GRID2: variants seen among roughly 807,000 people sequenced by gnomAD.
GRID2 encodes the protein glutamate receptor ionotropic, delta-2.
GRID2 carries 33 observed loss-of-function variants against 114.8 expected under a neutral mutation model. The ratio of observed to expected loss-of-function variants is 0.29; its 90% confidence interval spans 0.22 to 0.38. The LOEUF (loss-of-function observed/expected upper bound fraction) is 0.38. Ranked by LOEUF, GRID2 falls within the 10% of genes least tolerant of loss-of-function variation. The pLI, the probability that GRID2 is intolerant of heterozygous loss-of-function variation, is 1.00. For synonymous variants in GRID2, 505 were observed against 449.9 expected, an observed-to-expected ratio of 1.12 and a Z score of -1.55; for missense variants, 1,184 against 1,257.7, an observed-to-expected ratio of 0.94 and a Z score of 0.89.
chr4:92,664,523 G>A (rs564915526), intron 2 of GRID2, among the ~76,000 whole-genome samples: 191 of 151,128 alleles, frequency 1.3e-3, no homozygotes, highest in African/African-American at 4.3e-3. Context: ...GTATTCTATT[G>A]TTGTTGGGTA....
At position 92,522,333 on chromosome 4, in the gene GRID2, C is replaced by T. The variant is rs142399577; in HGVS notation, c.89-67798C>T. Among the ~76,000 whole-genome samples the T allele has an allele frequency of 5.3e-5, 8 of 152,002 alleles. No homozygotes were observed. The East Asian group carries it at 1.6e-3, about 30-fold the overall frequency. On this transcript the variant is annotated intron_variant, in intron 1 of 15. Transcript: ENST00000282020. ...ACAGGGAAAAAAAATAACAGGAAAG[C>T]AGTACAAAAGATGAACAGAGAGCAA... is the stretch of plus-strand genomic sequence containing the variant.
chr4:92,838,066 C>T (rs1742592294), intron 2 of GRID2, among the ~76,000 whole-genome samples: 2 of 151,952 alleles, frequency 1.3e-5, no homozygotes, highest in South Asian at 2.1e-4. Flanking sequence ...ATTACATTAT[C>T]GAAAACAAAT....
intron 1 of GRID2, among the ~76,000 whole-genome samples, chr4:92,329,784 CAG>C (rs923379373): frequency 6.6e-6 from 1 of 151,838 alleles, no homozygotes; most frequent in Non-Finnish European, 1.5e-5. Flanking sequence ...GAAGAAAAAA[CAG>C]GAGCAAAATG....
intron 8 of GRID2, among the ~76,000 whole-genome samples, chr4:93,330,676 T>A (rs759038521): frequency 5.3e-5 from 8 of 152,118 alleles, no homozygotes; most frequent in Non-Finnish European, 1.0e-4. Context: ...GGGATGCACT[T>A]TGTCTTCCAT....
At chr4:93,463,954 A>T (rs552058840) in intron 11 of GRID2, among the ~76,000 whole-genome samples, 7 of 152,180 alleles carry the variant, frequency 4.6e-5, no homozygotes, top group East Asian at 1.9e-4. Context: ...GTGCCACTGC[A>T]CTCCAGCCTG....
intron 1 of GRID2, among the ~76,000 whole-genome samples, chr4:92,516,335 A>G (rs1285662750): frequency 2.6e-5 from 4 of 151,896 alleles, no homozygotes; most frequent in Non-Finnish European, 5.9e-5. Context: ...GTAACTTTGT[A>G]GGCAATCAAA....
chr4:93,549,692 C>T (rs1733577924), intron 13 of GRID2, among the ~76,000 whole-genome samples: 1 of 152,132 alleles, frequency 6.6e-6, no homozygotes, highest in Non-Finnish European at 1.5e-5. Context: ...TGTTTTATCA[C>T]ACTGGATTGT....
chr4:92,476,680 A>C (rs904611960), intron 1 of GRID2, among the ~76,000 whole-genome samples: 1 of 152,194 alleles, frequency 6.6e-6, no homozygotes, highest in Non-Finnish European at 1.5e-5. Flanking sequence ...CTAAAGAAAA[A>C]AATTTCGTAT....
intron 13 of GRID2, among the ~76,000 whole-genome samples, chr4:93,600,777 G>A (rs1015633286): frequency 6.6e-5 from 10 of 152,108 alleles, no homozygotes; most frequent in African/African-American, 2.4e-4. Flanking sequence ...CAACCCAAAC[G>A]TCCAACAATG....
intron 2 of GRID2, among the ~76,000 whole-genome samples, chr4:92,771,937 TCTA>T (rs1738563829): frequency 6.6e-6 from 1 of 152,164 alleles, no homozygotes; most frequent in African/African-American, 2.4e-5. Flanking sequence ...GGAAAATACG[TCTA>T]CTATTGCTAG....
At chr4:93,643,100 C>T (rs1373263182) in intron 14 of GRID2, among the ~76,000 whole-genome samples, 1 of 18,142 alleles carries the variant, frequency 5.5e-5, no homozygotes, top group Non-Finnish European at 9.2e-5. Flanking sequence ...TCCAGTTGAT[C>T]GCATCGGCTC....
intron 13 of GRID2, among the ~76,000 whole-genome samples, chr4:93,613,822 A>T (rs1741260875): frequency 6.6e-6 from 1 of 151,840 alleles, no homozygotes; most frequent in Admixed American, 6.5e-5. Context: ...GGCCTCCTTG[A>T]GCTGTGGTGG....
intron 2 of GRID2, among the ~76,000 whole-genome samples, chr4:92,671,468 G>T (rs1177487520): frequency 6.6e-6 from 1 of 152,060 alleles, no homozygotes; most frequent in Non-Finnish European, 1.5e-5. Flanking sequence ...ACTACATTCA[G>T]GCTTCCATTT....
intron 9 of GRID2, among the ~76,000 whole-genome samples, chr4:93,421,110 C>A (rs1002140739): frequency 5.3e-5 from 8 of 152,172 alleles, no homozygotes; most frequent in African/African-American, 1.9e-4. Context: ...GGGACATAGA[C>A]TTCTCTCCTT....
chr4:92,836,208 C>A (rs11726990), intron 2 of GRID2, among the ~76,000 whole-genome samples: 160 of 152,238 alleles, frequency 1.1e-3, no homozygotes, highest in Non-Finnish European at 1.9e-3. Context: ...TATTTACAAT[C>A]TTGTCCTTTA....
chr4:93,173,036 CAT>C (rs1246492338), intron 4 of GRID2, among the ~76,000 whole-genome samples: 1 of 151,772 alleles, frequency 6.6e-6, no homozygotes. Context: ...TTCTTAACAA[CAT>C]GTTTCACTTT....
rs1023171240 is a variant in GRID2 at position 92,704,320 on chromosome 4, T to C, written c.244+114034T>C. Among the ~76,000 whole-genome samples the C allele has an allele frequency of 4.1e-4, 63 of 152,160 alleles. 1 individual carries two copies. The highest frequency in any genetic ancestry group is 1.4e-3 in the African/African-American group (59 of 41,446). ...ATTATATGACTTGTATGATCTGAGA[T>C]AGATGAATTTAAGGAAGAATTTGGT... On this transcript the variant is annotated intron_variant, in intron 2 of 15. Coordinates refer to ENST00000282020, the MANE Select transcript of GRID2 (RefSeq NM_001510.4).
intron 2 of GRID2, among the ~76,000 whole-genome samples, chr4:92,787,097 G>T (rs1739356751): frequency 6.6e-6 from 1 of 151,760 alleles, no homozygotes; most frequent in African/African-American, 2.4e-5. Context: ...CTGAATAACG[G>T]TTTCTCTAGA....
chr4:92,309,401 G>A (rs940803078), intron 1 of GRID2, among the ~76,000 whole-genome samples: 1 of 151,822 alleles, frequency 6.6e-6, no homozygotes, highest in African/African-American at 2.4e-5. Flanking sequence ...ATTACAGACA[G>A]CATATTGGTG....
Sources: allele counts gnomAD v4.1 joint callset (sites outside exome capture counted in the v4.1 genomes callset), GRCh38; gene constraint gnomAD v4.1.1; transcripts MANE v1.5; gene names NCBI Gene and HGNC (gene_info 2026-07-23, HGNC 2026-07-21).